HEATR4: variants seen among roughly 807,000 people sequenced by gnomAD.
HEATR4 encodes HEAT repeat containing 4, also known as HEAT repeat-containing protein 4.
Under a neutral mutation model 108.8 loss-of-function variants are expected in HEATR4, and 95 were observed. The observed-to-expected ratio is 0.87, with a 90% confidence interval of 0.74 to 1.04. HEATR4 has a LOEUF of 1.04. Ranked by LOEUF, HEATR4 falls within the 50% of genes least tolerant of loss-of-function variation. HEATR4 has a pLI of 0.00. For missense variants in HEATR4, 1,152 were observed against 1,253.8 expected (o/e 0.92, Z 1.23); for synonymous variants, 443 against 459.4 (o/e 0.96, Z 0.46).
the HEATR4 span, among the ~76,000 whole-genome samples, chr14:73,626,325 T>C: frequency 6.6e-6 from 1 of 152,142 alleles, no homozygotes; most frequent in East Asian, 1.9e-4. Context: ...CAATTTTGTG[T>C]TGGGCCACAT....
chr14:73,502,566 T>G (rs1886539710), intron 11 of HEATR4, among the ~76,000 whole-genome samples: 1 of 152,020 alleles, frequency 6.6e-6, no homozygotes. Flanking sequence ...TTTTTTTTTT[T>G]GAGACGGAGT....
the HEATR4 span, among the ~76,000 whole-genome samples, chr14:73,575,978 C>G: frequency 6.6e-6 from 1 of 151,326 alleles, no homozygotes; most frequent in Non-Finnish European, 1.5e-5. Flanking sequence ...GTGATGAAAC[C>G]CCATCTCTCC....
chr14:73,478,781 C>T lies in HEATR4; in HGVS notation c.2906G>A (p.Arg969Gln), dbSNP rs1324761337. ...GACAAGTGATGAACGAACTTTGCTT[C>T]GTGTGGTTAGGCCTGGGACTGAACT... ...LQSSVPGLTT[R>Q]SKVRSSLVKD... is the part of the protein sequence containing the mutation. The change falls in exon 18 of 18, where the codon CGA (arginine) becomes CAA (glutamine). Residue 969 changes from arginine (R) to glutamine (Q), a missense_variant. Transcript: ENST00000553558. The T allele has an allele frequency of 6.8e-6, 11 of 1,613,682 alleles. No homozygotes were observed. The highest frequency in any genetic ancestry group is 1.3e-5 in the African/African-American group (1 of 74,830).
chr14:73,525,701 C>T (rs1888284098), intron 2 of HEATR4, among the ~76,000 whole-genome samples: 1 of 152,100 alleles, frequency 6.6e-6, no homozygotes, highest in South Asian at 2.1e-4. Flanking sequence ...GTCAGTAATC[C>T]CAGAACTTTG....
rs1352270029 is a variant in HEATR4, at chr14:73,509,892, G to T, written c.1559-419C>A. Among the ~76,000 whole-genome samples the T allele has an allele frequency of 3.9e-5, 5 of 126,744 alleles. No homozygotes were observed. In the South Asian group the frequency reaches 7.4e-4, roughly 19 times the overall value. The allele number at this position is 126,744 out of a possible 152,430, so 83.1% of individuals were successfully genotyped here. ...TATTTATTTATTTTATATATTTTTT[G>T]AGACGGAGTCTTGTTCTGTCACCTG... On this transcript the variant is annotated intron_variant, in intron 7 of 17. Transcript: ENST00000553558.
chr14:73,565,754 A>G, the HEATR4 span, among the ~76,000 whole-genome samples: 1 of 152,034 alleles, frequency 6.6e-6, no homozygotes, highest in Non-Finnish European at 1.5e-5. Context: ...GTGAAGCTAC[A>G]GACCTTGGTG....
chr14:73,520,773 G>A, intron 4 of HEATR4, 79 bp downstream of exon 4: 1 of 1,361,828 alleles, frequency 7.3e-7, no homozygotes, highest in Non-Finnish European at 1.0e-6. Context: ...ACCCACAACT[G>A]TTTCCAGCCC....
the HEATR4 span, chr14:73,592,151 C>G: frequency 1.9e-6 from 3 of 1,594,578 alleles, no homozygotes; most frequent in Non-Finnish European, 1.7e-6. Flanking sequence ...ACCTGGAGCG[C>G]GCACCCGCGC....
intron 13 of HEATR4, 106 bp from the exon 14 acceptor site, chr14:73,498,450 A>G: frequency 1.0e-6 from 1 of 976,876 alleles, no homozygotes; most frequent in Non-Finnish European, 1.5e-6. Context: ...TTTGGATGGT[A>G]ATCACCATTA....
chr14:73,584,049 C>G, the HEATR4 span, among the ~76,000 whole-genome samples: 1 of 151,954 alleles, frequency 6.6e-6, no homozygotes, highest in Admixed American at 6.6e-5. Context: ...CCAGGACACT[C>G]CACTGGAAAA....
At chr14:73,593,819 A>G in the HEATR4 span, 1 of 1,614,044 alleles carries the variant, frequency 6.2e-7, no homozygotes, top group Non-Finnish European at 8.5e-7. Context: ...GCTTATTATA[A>G]CTTTGAAGAT....
chr14:73,616,858 T>G, the HEATR4 span: 1 of 575,694 alleles, frequency 1.7e-6, no homozygotes, highest in Non-Finnish European at 3.1e-6. Flanking sequence ...TTATCATTAT[T>G]GTTTGAGAAA....
chr14:73,591,355 C>T, the HEATR4 span, among the ~76,000 whole-genome samples: 907 of 152,204 alleles, frequency 6.0e-3, 8 homozygotes, highest in African/African-American at 0.02. Flanking sequence ...CAAGACCAGC[C>T]TGGCCAACAT....
the HEATR4 span, among the ~76,000 whole-genome samples, chr14:73,607,687 G>A: frequency 0.34 from 50,796 of 151,620 alleles, 9,898 homozygotes; most frequent in East Asian, 0.64. Flanking sequence ...GCAATGGAGC[G>A]ATCTGGGCTC....
chr14:73,495,689 C>T (rs1423695768), intron 15 of HEATR4, among the ~76,000 whole-genome samples: 1 of 152,148 alleles, frequency 6.6e-6, no homozygotes, highest in African/African-American at 2.4e-5. Context: ...TTTTTTATAC[C>T]TGTTCGTGAA....
Position 73,479,012 on chromosome 14 carries a change from T to C in HEATR4, c.2845-170A>G, listed in dbSNP as rs370495412. On this transcript the variant is annotated intron_variant, in intron 17 of 17. Coordinates refer to ENST00000553558, the MANE Select transcript of HEATR4 (RefSeq NM_001220484.1). ...GGAGTTCAGTGGCGCAATCTCGGCT[T>C]ACTGCAATCTCCGACTCCCGGGTTC... Among the ~76,000 whole-genome samples the C allele has an allele frequency of 6.0e-4, 91 of 151,870 alleles. 1 individual carries two copies. Among genetic ancestry groups the C allele is most frequent in the Middle Eastern group, 3.4e-3 (1 of 294 alleles).
upstream of HEATR4, among the ~76,000 whole-genome samples, chr14:73,561,295 G>T (rs552224245): frequency 3.2e-4 from 49 of 152,008 alleles, no homozygotes; most frequent in South Asian, 6.2e-4. Context: ...GAACCCAGGA[G>T]GCAGAGGTTG....
intron 1 of HEATR4, among the ~76,000 whole-genome samples, chr14:73,532,526 G>T (rs1888737202): frequency 8.8e-6 from 1 of 113,806 alleles, no homozygotes. Context: ...TGCTATTCAG[G>T]TGGTCCATCT....
the HEATR4 span, chr14:73,569,086 A>G: frequency 2.2e-6 from 2 of 914,370 alleles, no homozygotes; most frequent in South Asian, 1.7e-5. Flanking sequence ...TAGCTTTCCA[A>G]CATAAAGTGG....
Sources: allele counts gnomAD v4.1 joint callset (sites outside exome capture counted in the v4.1 genomes callset), GRCh38; gene constraint gnomAD v4.1.1; transcripts MANE v1.5; gene names NCBI Gene and HGNC (gene_info 2026-07-23, HGNC 2026-07-21).